PLEKHG1: variants seen among roughly 807,000 people sequenced by gnomAD.
The protein encoded by PLEKHG1 is pleckstrin homology and RhoGEF domain containing G1, also known as pleckstrin homology domain-containing family G member 1.
In PLEKHG1, 44 loss-of-function variants were observed where a neutral mutation model predicts 100.8. The ratio of observed to expected loss-of-function variants is 0.44; its 90% confidence interval spans 0.34 to 0.56. PLEKHG1 has a LOEUF of 0.56. Among genes scored for constraint, PLEKHG1 ranks in the 20% least tolerant of loss-of-function variants. The pLI is 0.01. For synonymous variants in PLEKHG1, 640 were observed against 662.5 expected (o/e 0.97, Z 0.52); for missense variants, 1,545 against 1,720.9 (o/e 0.90, Z 1.81).
chr6:150,768,512 TCA>T, intron 2 of PLEKHG1, 124 bp from the exon 4 acceptor site: 1 of 640,962 alleles, frequency 1.6e-6, no homozygotes, highest in South Asian at 1.9e-5. Flanking sequence ...CTGTGTACTC[TCA>T]GAGTTAATGA....
chr6:150,757,625 C>T (rs1783916356), intron 2 of PLEKHG1, among the ~76,000 whole-genome samples: 1 of 152,148 alleles, frequency 6.6e-6, no homozygotes. Context: ...TCCTTACACA[C>T]ACTCCTGTGT....
chr6:150,694,262 C>T (rs1171437767), intron 3 of PLEKHG1, among the ~76,000 whole-genome samples: 1 of 152,182 alleles, frequency 6.6e-6, no homozygotes, highest in Non-Finnish European at 1.5e-5. Flanking sequence ...GTTCAAATGC[C>T]AGTTTCACTC....
chr6:150,837,618 G>A (rs1331623337), intron 15 of PLEKHG1, among the ~76,000 whole-genome samples: 5 of 152,214 alleles, frequency 3.3e-5, no homozygotes, highest in Non-Finnish European at 5.9e-5. Context: ...ATACAGCTGT[G>A]GGATCAGGCT....
chr6:150,706,992 CTTTTTCTTTTTTTTTTTTT>C (rs1781044246), intron 3 of PLEKHG1, among the ~76,000 whole-genome samples: 1 of 58,496 alleles, frequency 1.7e-5, no homozygotes, highest in Non-Finnish European at 3.7e-5. Context: ...TTTTCTTTTT[CTTTTTCTTTTTTTTTTTTT>C]TTTTTTTTTT....
intron 2 of PLEKHG1, among the ~76,000 whole-genome samples, chr6:150,750,762 C>G (rs1425711806): frequency 9.9e-6 from 1 of 101,164 alleles, no homozygotes; most frequent in African/African-American, 5.4e-5. Flanking sequence ...GCCTGGGCGA[C>G]AGAGCGAGAC....
chr6:150,718,690 G>A (rs781006116), upstream of PLEKHG1, among the ~76,000 whole-genome samples: 1 of 151,978 alleles, frequency 6.6e-6, no homozygotes, highest in Non-Finnish European at 1.5e-5. Flanking sequence ...GGCTAGTCTC[G>A]AACTTCTGAC....
intron 2 of PLEKHG1, among the ~76,000 whole-genome samples, chr6:150,745,878 G>C (rs1002335069): frequency 1.4e-4 from 22 of 152,040 alleles, no homozygotes; most frequent in African/African-American, 5.3e-4. Context: ...GAAGTTTATG[G>C]AAGCCACCAG....
intron 3 of PLEKHG1, among the ~76,000 whole-genome samples, chr6:150,664,659 G>A (rs1001679420): frequency 9.2e-5 from 14 of 152,106 alleles, no homozygotes; most frequent in Non-Finnish European, 1.6e-4. Context: ...AAGGGCTGTG[G>A]TGGTGTCTTC....
At chr6:150,660,306 T>G (rs894382048) in intron 3 of PLEKHG1, among the ~76,000 whole-genome samples, 3 of 152,222 alleles carry the variant, frequency 2.0e-5, no homozygotes, top group African/African-American at 7.2e-5. Flanking sequence ...TCTTTTAAAC[T>G]CTGAGAAACC....
intron 10 of PLEKHG1, among the ~76,000 whole-genome samples, chr6:150,815,561 A>G (rs1235405760): frequency 6.6e-6 from 1 of 152,204 alleles, no homozygotes; most frequent in East Asian, 1.9e-4. Context: ...CTGAGCTAAC[A>G]TTTGTGTTTG....
intron 2 of PLEKHG1, among the ~76,000 whole-genome samples, chr6:150,649,958 G>A (rs1464171704): frequency 6.6e-6 from 1 of 151,876 alleles, no homozygotes; most frequent in Non-Finnish European, 1.5e-5. Context: ...CTTGCAGTAA[G>A]CCGAGATGGC....
intron 4 of PLEKHG1, among the ~76,000 whole-genome samples, chr6:150,793,332 G>T (rs1323253328): frequency 1.3e-5 from 2 of 152,096 alleles, no homozygotes; most frequent in African/African-American, 4.8e-5. Context: ...AGCCTGGGAG[G>T]TTGAGGCTGA....
intron 1 of PLEKHG1, among the ~76,000 whole-genome samples, chr6:150,616,104 C>T (rs540050870): frequency 1.2e-4 from 18 of 152,132 alleles, no homozygotes; most frequent in Non-Finnish European, 2.4e-4. Flanking sequence ...ATCTGAAGCT[C>T]ATAGTATGCT....
intron 1 of PLEKHG1, among the ~76,000 whole-genome samples, chr6:150,724,908 C>T (rs1325312470): frequency 1.3e-5 from 2 of 152,124 alleles, no homozygotes; most frequent in African/African-American, 2.4e-5. Flanking sequence ...CCAGAGACAC[C>T]CCTTAGCTAA....
chr6:150,733,770 G>A (rs375414135), exon 2 of PLEKHG1: 2 of 1,614,046 alleles, frequency 1.2e-6, no homozygotes, highest in African/African-American at 1.3e-5. Flanking sequence ...TCCTTCGGCA[G>A]CAGAATGACC....
intron 5 of PLEKHG1, among the ~76,000 whole-genome samples, chr6:150,798,309 T>G (rs571612423): frequency 6.6e-6 from 1 of 152,324 alleles, no homozygotes; most frequent in South Asian, 2.1e-4. Context: ...GAATCTAAAA[T>G]GATACAGGAG....
intron 3 of PLEKHG1, among the ~76,000 whole-genome samples, chr6:150,690,711 C>T (rs1368284496): frequency 6.6e-6 from 1 of 152,204 alleles, no homozygotes; most frequent in South Asian, 2.1e-4. Context: ...GATGTCTTTA[C>T]TGGAGATGAT....
At chr6:150,633,405 G>C (rs2128562823) in intron 1 of PLEKHG1, 1 of 153,006 alleles carries the variant, frequency 6.5e-6, no homozygotes, top group African/African-American at 2.4e-5. Flanking sequence ...ATTCCAGGCA[G>C]CTCAGTATTG....
chr6:150,695,041 C>T (rs1423734795), intron 3 of PLEKHG1, among the ~76,000 whole-genome samples: 1 of 152,208 alleles, frequency 6.6e-6, no homozygotes, highest in Non-Finnish European at 1.5e-5. Context: ...ATTAGGAAGA[C>T]ACATGGCATC....
Sources: gnomAD v4.1 joint callset for allele counts (sites outside exome capture counted in the v4.1 genomes callset) on GRCh38, gnomAD v4.1.1 for gene constraint, MANE v1.5 for transcripts, NCBI Gene and HGNC (gene_info 2026-07-23, HGNC 2026-07-21) for gene names.